ENOX1: variants seen among roughly 807,000 people sequenced by gnomAD.
The protein encoded by ENOX1 is ecto-NOX disulfide-thiol exchanger 1.
A neutral mutation model predicts 82.5 loss-of-function variants in ENOX1; 42 were observed. The ratio of observed to expected loss-of-function variants is 0.51; its 90% CI spans 0.40 to 0.66. ENOX1 has a LOEUF of 0.66. Ranked by LOEUF, ENOX1 falls within the 30% of genes least tolerant of loss-of-function variation. The probability of loss-of-function intolerance (pLI) is 0.00; values close to 1 mark genes in which losing one functional copy is unlikely to be tolerated. For synonymous variants in ENOX1, 271 were observed against 282.2 expected (o/e 0.96, Z 0.40); for missense variants, 608 against 811.6 (o/e 0.75, Z 3.05).
intron 2 of ENOX1, among the ~76,000 whole-genome samples, chr13:43,652,092 A>ACTTGGC (rs1444688447): frequency 6.6e-6 from 1 of 152,058 alleles, no homozygotes; most frequent in Non-Finnish European, 1.5e-5. Flanking sequence ...TATAATGCCT[A>ACTTGGC]CTTGGCCCAA....
intron 16 of ENOX1, among the ~76,000 whole-genome samples, chr13:43,215,582 G>A (rs1202005673): frequency 6.6e-6 from 1 of 152,196 alleles, no homozygotes; most frequent in Non-Finnish European, 1.5e-5. Flanking sequence ...AAAACGGTGT[G>A]AGCTACAGAG....
intron 3 of ENOX1, among the ~76,000 whole-genome samples, chr13:43,450,290 A>C (rs1045626947): frequency 2.6e-5 from 4 of 152,202 alleles, no homozygotes; most frequent in Non-Finnish European, 5.9e-5. Flanking sequence ...TTGCAAGGTG[A>C]AGTGGGGGGC....
chr13:43,233,723 C>T (rs932609192), intron 15 of ENOX1, among the ~76,000 whole-genome samples: 1 of 152,112 alleles, frequency 6.6e-6, no homozygotes, highest in African/African-American at 2.4e-5. Context: ...GGGCACTGAT[C>T]ATCTGACTAT....
chr13:43,624,000 T>C (rs1309905583), intron 2 of ENOX1, among the ~76,000 whole-genome samples: 1 of 152,226 alleles, frequency 6.6e-6, no homozygotes, highest in East Asian at 1.9e-4. Flanking sequence ...TTTATGAAAC[T>C]GTCAAATCAT....
intron 1 of ENOX1, among the ~76,000 whole-genome samples, chr13:43,741,790 T>C (rs1481208136): frequency 6.6e-6 from 1 of 152,208 alleles, no homozygotes; most frequent in Non-Finnish European, 1.5e-5. Flanking sequence ...GTGCTTTTAG[T>C]GTCATATTTA....
intron 15 of ENOX1, among the ~76,000 whole-genome samples, chr13:43,226,213 T>TA (rs1259144863): frequency 6.6e-6 from 1 of 152,212 alleles, no homozygotes; most frequent in African/African-American, 2.4e-5. Flanking sequence ...GTGATTTCTT[T>TA]AAAAAAATTA....
At chr13:43,422,220 C>A (rs2055020500) in intron 3 of ENOX1, among the ~76,000 whole-genome samples, 1 of 152,128 alleles carries the variant, frequency 6.6e-6, no homozygotes, top group Non-Finnish European at 1.5e-5. Flanking sequence ...CCCTGGCAAC[C>A]AATGTAGGAT....
At chr13:43,532,616 CACTCCTCTATTTACA>C (rs2078279347) in intron 2 of ENOX1, among the ~76,000 whole-genome samples, 1 of 152,026 alleles carries the variant, frequency 6.6e-6, no homozygotes. Context: ...ATTATTAAAA[CACTCCTCTATTTACA>C]ACTACTTATA....
chr13:43,328,276 T>A (rs1341319953), intron 9 of ENOX1, among the ~76,000 whole-genome samples: 4 of 152,210 alleles, frequency 2.6e-5, no homozygotes, highest in Non-Finnish European at 5.9e-5. Context: ...GTACACAGGC[T>A]GGGATCATTG....
At position 43,380,504 on chromosome 13, in the gene ENOX1, T is replaced by TA. The variant is rs1272532500; in HGVS notation, c.209-19053dup. Among the ~76,000 whole-genome samples the TA allele has an allele frequency of 1.3e-5, 2 of 151,370 alleles. 1 individual carries two copies. The highest frequency in any genetic ancestry group is 4.8e-5 in the African/African-American group (2 of 41,328). On this transcript the variant is annotated intron_variant, in intron 5 of 16. Transcript: ENST00000690772. ...GTGGCAGACAAATAGAAAATTGGAA[T>TA]AAAAAACAGAATAAATAAAATCAAT...
intron 1 of ENOX1, among the ~76,000 whole-genome samples, chr13:43,702,564 CAT>C (rs1243913667): frequency 6.6e-6 from 1 of 152,152 alleles, no homozygotes; most frequent in Non-Finnish European, 1.5e-5. Context: ...CCCCAAAACT[CAT>C]ATGTAGAAAC....
intron 2 of ENOX1, among the ~76,000 whole-genome samples, chr13:43,509,420 A>G (rs2077286366): frequency 6.6e-6 from 1 of 152,060 alleles, no homozygotes; most frequent in Admixed American, 6.6e-5. Flanking sequence ...CACTAGAATC[A>G]GGGTCTGTGA....
In ENOX1 at chr13:43,224,714, C is replaced by T. The variant is rs73173892; in HGVS notation, c.1715-576G>A. Among the ~76,000 whole-genome samples, 111 of 152,348 alleles carry T rather than the reference C, an allele frequency of 7.3e-4. 1 individual carries two copies. The highest frequency in any genetic ancestry group is 1.4e-3 in the Non-Finnish European group (98 of 68,036). ...TTAAAAGGAGCCAGCTCATTCTCCC[C>T]TTCTTGCTGCTGTAATTTACAAGAT... On this transcript the variant is annotated intron_variant, in intron 15 of 16. Transcript: ENST00000690772.
intron 12 of ENOX1, among the ~76,000 whole-genome samples, chr13:43,281,888 G>A (rs1378369800): frequency 6.6e-6 from 1 of 152,156 alleles, no homozygotes; most frequent in African/African-American, 2.4e-5. Flanking sequence ...ATTTGAAAAT[G>A]TAAATCATGA....
intron 3 of ENOX1, among the ~76,000 whole-genome samples, chr13:43,474,443 A>AT (rs1408915239): frequency 2.0e-5 from 3 of 152,036 alleles, no homozygotes; most frequent in African/African-American, 4.8e-5. Flanking sequence ...GAAATTTAAG[A>AT]TTTTTCTAAG....
At chr13:43,522,603 C>T (rs1194839741) in intron 2 of ENOX1, among the ~76,000 whole-genome samples, 2 of 152,048 alleles carry the variant, frequency 1.3e-5, no homozygotes, top group African/African-American at 4.8e-5. Flanking sequence ...CAAACAGTGC[C>T]CTGTAGAAGC....
intron 8 of ENOX1, among the ~76,000 whole-genome samples, chr13:43,353,115 C>T (rs1370950584): frequency 6.6e-6 from 1 of 152,210 alleles, no homozygotes; most frequent in Non-Finnish European, 1.5e-5. Context: ...GCTGAGCACA[C>T]ATCACATCAT....
chr13:43,289,031 C>A (rs1375865109), intron 12 of ENOX1, among the ~76,000 whole-genome samples: 2 of 152,022 alleles, frequency 1.3e-5, no homozygotes, highest in East Asian at 1.9e-4. Context: ...AAGATCTCTA[C>A]AAGGAGAACT....
At chr13:43,708,125 G>T (rs543251471) in intron 1 of ENOX1, among the ~76,000 whole-genome samples, 150 of 152,298 alleles carry the variant, frequency 9.8e-4, no homozygotes, top group African/African-American at 2.8e-3. Flanking sequence ...GGGTGAGTGG[G>T]CTCAAGCATG....
Sources: gnomAD v4.1 joint callset for allele counts (sites outside exome capture counted in the v4.1 genomes callset) on GRCh38, gnomAD v4.1.1 for gene constraint, MANE v1.5 for transcripts, NCBI Gene and HGNC (gene_info 2026-07-23, HGNC 2026-07-21) for gene names.